Variants in ZDHHC11B observed in about 807,000 individuals in gnomAD.
The protein encoded by ZDHHC11B is zDHHC palmitoyltransferase 11B (putative), also known as probable palmitoyltransferase ZDHHC11B.
In ZDHHC11B, 17 loss-of-function variants were observed where a neutral mutation model predicts 42.3. That is an observed-to-expected ratio of 0.40 (90% CI 0.27 to 0.60). The LOEUF is 0.60. Among genes scored for constraint, ZDHHC11B ranks in the 20% least tolerant of loss-of-function variants. ZDHHC11B has a pLI of 0.41. For synonymous variants in ZDHHC11B, 123 were observed against 193.5 expected (o/e 0.64, Z 3.02); for missense variants, 262 against 463.2 (o/e 0.57, Z 3.99).
At chr5:721,733 A>G (rs1224976777) in intron 12 of ZDHHC11B, among the ~76,000 whole-genome samples, 3 of 151,736 alleles carry the variant, frequency 2.0e-5, no homozygotes, top group African/African-American at 7.3e-5. Flanking sequence ...TGGGGAAGGC[A>G]CTGGAAAGGA....
rs1579430998 is a variant in ZDHHC11B at position 766,723 on chromosome 5, T to G, written c.197A>C (p.His66Pro). 1 of 1,610,768 alleles carries G rather than the reference T, an allele frequency of 6.2e-7. No individual in the cohort carries two copies. Among genetic ancestry groups the G allele is most frequent in the Non-Finnish European group, 8.5e-7 (1 of 1,178,362 alleles). ...TFRIFIPLLP[H>P]SWKYIAYVVT... ...CACATAGGCGATGTATTTCCACGAG[T>G]GAGGCAGGAGGGGAATGAAGATCCT... The change falls in exon 4 of 14, where the codon CAC becomes CCC. Residue 66 changes from histidine to proline, a missense_variant. By Grantham distance (77) the His-to-Pro change is moderately conservative. This residue lies in a region of ZDHHC11B where 97 missense variants were observed against 98.1 expected (regional missense o/e 0.99). Coordinates refer to ENST00000508859, the MANE Select transcript of ZDHHC11B (RefSeq NM_001351303.2).
At chr5:766,022 C>T (rs1579426114) in intron 4 of ZDHHC11B, among the ~76,000 whole-genome samples, 1 of 152,024 alleles carries the variant, frequency 6.6e-6, no homozygotes, top group African/African-American at 2.4e-5. Flanking sequence ...CCCCAGGCCC[C>T]TTTGTCCCCA....
Position 777,534 on chromosome 5 carries a change from G to A in ZDHHC11B, c.-230+7134C>T, listed in dbSNP as rs186539715. Among the ~76,000 whole-genome samples, 629 of 151,652 alleles carry A rather than the reference G, an allele frequency of 4.1e-3. 5 individuals carry two copies. The highest frequency in any genetic ancestry group is 0.014 in the African/African-American group (595 of 41,116). On this transcript the variant is annotated intron_variant, in intron 1 of 13. Transcript: ENST00000508859. ...AGAACAAACTTTCCACAGCGGAGAA[G>A]AGAATGGAGTCAGGTTGCGGCAGGG...
At chr5:718,383 G>A (rs1021504153) in intron 12 of ZDHHC11B, among the ~76,000 whole-genome samples, 2 of 151,728 alleles carry the variant, frequency 1.3e-5, no homozygotes, top group African/African-American at 4.9e-5. Context: ...TTGAAGAAAG[G>A]AGAAGCTGGG....
chr5:763,692 C>T (rs890955), intron 4 of ZDHHC11B, among the ~76,000 whole-genome samples: 28,048 of 148,878 alleles, frequency 0.19, 2,386 homozygotes, highest in Middle Eastern at 0.29. Flanking sequence ...AGACTTGTTT[C>T]GAAAATTGGG....
At chr5:762,442 T>G (rs1268938319) in intron 4 of ZDHHC11B, among the ~76,000 whole-genome samples, 1 of 151,850 alleles carries the variant, frequency 6.6e-6, no homozygotes, top group Non-Finnish European at 1.5e-5. Context: ...AGGCTCTCTG[T>G]GAGACCAGCT....
intron 13 of ZDHHC11B, among the ~76,000 whole-genome samples, chr5:715,419 C>T (rs536719389): frequency 6.6e-6 from 1 of 151,416 alleles, no homozygotes; most frequent in Admixed American, 6.6e-5. Context: ...TGTAGACATT[C>T]TACATGAGCT....
At position 715,987 on chromosome 5, in the gene ZDHHC11B, C is replaced by T. The variant is rs1171810842; in HGVS notation, c.*7+814G>A. ...CTTTCAGGATACAGTATGCCCTATACCCTTTTCCTGTCCAGCTAGCTTTTG... is the reference window on the plus strand; with the variant it reads ...CTTTCAGGATACAGTATGCCCTATATCCTTTTCCTGTCCAGCTAGCTTTTG... On this transcript the variant is annotated intron_variant, in intron 13 of 13. Coordinates refer to ENST00000508859, the MANE Select transcript of ZDHHC11B (RefSeq NM_001351303.2). 1.5e-4 allele frequency among the ~76,000 whole-genome samples: 22 copies of T among 150,752 alleles called. 1 individual carries two copies. Among genetic ancestry groups the T allele is most frequent in the Admixed American group, 1.5e-3 (22 of 15,124 alleles).
At chr5:783,759 T>C (rs1229049000) in intron 1 of ZDHHC11B, among the ~76,000 whole-genome samples, 4 of 56,262 alleles carry the variant, frequency 7.1e-5, no homozygotes, top group Non-Finnish European at 9.3e-5. Flanking sequence ...AGCCCCCAAA[T>C]ACCCATCAAA....
In ZDHHC11B at chr5:775,702, C is replaced by T. The variant is rs1027087361; in HGVS notation, c.-229-6772G>A. Among the ~76,000 whole-genome samples the T allele has an allele frequency of 2.2e-4, 33 of 151,936 alleles. 1 individual carries two copies. Among genetic ancestry groups the T allele is most frequent in the African/African-American group, 6.0e-4 (25 of 41,428 alleles). On this transcript the variant is annotated intron_variant, in intron 1 of 13. Coordinates refer to ENST00000508859, the MANE Select transcript of ZDHHC11B (RefSeq NM_001351303.2). ...GAGCTGCTCCCTCTAACCCTGGAGACGCCGCCCAGGAGTCCAACGTGCTGT... is the reference window on the plus strand; with the variant it reads ...GAGCTGCTCCCTCTAACCCTGGAGATGCCGCCCAGGAGTCCAACGTGCTGT...
At chr5:759,737 A>G (rs1407317558) in intron 4 of ZDHHC11B, among the ~76,000 whole-genome samples, 3 of 151,742 alleles carry the variant, frequency 2.0e-5, no homozygotes, top group African/African-American at 4.9e-5. Context: ...CTTTATTCCA[A>G]TTCTTCCCCA....
Position 745,297 on chromosome 5 carries a change from C to T in ZDHHC11B, c.786G>A (p.Lys262=). The T allele has an allele frequency of 1.2e-6, 2 of 1,605,284 alleles. No individual in the cohort carries two copies. The highest frequency in any genetic ancestry group is 1.1e-5 in the South Asian group (1 of 90,082). The change falls in exon 9 of 14, where the codon AAG becomes AAA. Residue 262 remains lysine (K), a splice_region_variant and synonymous_variant. Coordinates refer to ENST00000508859, the MANE Select transcript of ZDHHC11B (RefSeq NM_001351303.2). ...GQLLIFHIYL[K]AKKMTTFEYL... ...ACTCAAAGGTGGTCATCTTCTTGGC[C>T]TCTGGAAAGGGAAAAGGAGGAACAG... is the stretch of plus-strand genomic sequence containing the variant.
chr5:733,402 A>G (rs1273072960), intron 11 of ZDHHC11B, among the ~76,000 whole-genome samples: 2 of 151,524 alleles, frequency 1.3e-5, no homozygotes, highest in Admixed American at 6.6e-5. Flanking sequence ...ATGGCTACCA[A>G]TCTCCTTCCA....
intron 4 of ZDHHC11B, among the ~76,000 whole-genome samples, chr5:756,833 C>T (rs922442278): frequency 6.6e-6 from 1 of 151,680 alleles, no homozygotes; most frequent in Non-Finnish European, 1.5e-5. Flanking sequence ...CGGACCCTCT[C>T]CCCGAGACTT....
intron 1 of ZDHHC11B, among the ~76,000 whole-genome samples, chr5:777,621 A>T (rs1736633828): frequency 6.6e-6 from 1 of 151,910 alleles, no homozygotes; most frequent in Non-Finnish European, 1.5e-5. Context: ...TGATTGGCCC[A>T]TTGTACAGGG....
At position 779,207 on chromosome 5, in the gene ZDHHC11B, A is replaced by T. The variant is rs1446609861; in HGVS notation, c.-230+5461T>A. 7.9e-5 allele frequency among the ~76,000 whole-genome samples: 12 copies of T among 151,472 alleles called. 1 individual carries two copies. The highest frequency in any genetic ancestry group is 2.9e-4 in the African/African-American group (12 of 40,916). On this transcript the variant is annotated intron_variant, in intron 1 of 13. Transcript: ENST00000508859. ...AACTGGAGCCACCAGAAGCTAGAAG[A>T]GGCAGGGAGCGTCCCACCAAGCCTC... is the stretch of plus-strand genomic sequence containing the variant.
At chr5:754,347 G>A (rs1430280113) in intron 6 of ZDHHC11B, among the ~76,000 whole-genome samples, 5 of 106,534 alleles carry the variant, frequency 4.7e-5, no homozygotes, top group Non-Finnish European at 9.5e-5. Context: ...CCTCTCATCT[G>A]TGAGCCTCCA....
chr5:746,077 A>G (rs1289204914), intron 8 of ZDHHC11B, among the ~76,000 whole-genome samples: 1 of 149,204 alleles, frequency 6.7e-6, no homozygotes, highest in African/African-American at 2.5e-5. Flanking sequence ...AACCTGATAC[A>G]CCCGTTTATC....
chr5:770,121 T>C (rs1371054645), intron 1 of ZDHHC11B, among the ~76,000 whole-genome samples: 14 of 151,046 alleles, frequency 9.3e-5, no homozygotes, highest in East Asian at 3.9e-4. Flanking sequence ...CATGTTGCTA[T>C]GGAGGAAGGA....
Sources: gnomAD v4.1 joint callset for allele counts (sites outside exome capture counted in the v4.1 genomes callset) on GRCh38, gnomAD v4.1.1 for gene constraint, gnomAD v4.1.1 regional missense constraint, MANE v1.5 for transcripts, NCBI Gene and HGNC (gene_info 2026-07-23, HGNC 2026-07-21) for gene names.